GRIN2C: variants seen among roughly 807,000 people sequenced by gnomAD.
The protein encoded by GRIN2C is glutamate ionotropic receptor NMDA type subunit 2C, also known as glutamate receptor ionotropic, NMDA 2C.
A neutral mutation model predicts 77.7 loss-of-function variants in GRIN2C; 64 were observed. That is an observed-to-expected ratio of 0.82 (90% CI 0.67 to 1.01). The LOEUF (loss-of-function observed/expected upper bound fraction) is 1.01, where lower values mean the gene tolerates loss of function less well. Ranked by LOEUF, GRIN2C falls within the 50% of genes least tolerant of loss-of-function variation. The pLI is 0.00. For synonymous variants in GRIN2C, 792 were observed against 643.4 expected, an observed-to-expected ratio of 1.23 and a Z score of -3.49; for missense variants, 1,549 against 1,486.0, an observed-to-expected ratio of 1.04 and a Z score of -0.70.
chr17:74,844,118 C>T lies in GRIN2C; in HGVS notation c.2583+158G>A, dbSNP rs2037385926. The T allele has an allele frequency of 4.3e-6, 6 of 1,394,152 alleles. No homozygotes were observed. The South Asian group carries it at 6.1e-5, about 14-fold the overall frequency. 86.4% of individuals were successfully genotyped at this position (1,394,152 alleles called of 1,614,324 possible). On this transcript the variant is annotated intron_variant, in intron 12 of 12. Transcript: ENST00000293190. ...CAAACTTCTGGACTCAAGGGATCCA[C>T]TGGCCTAAGCCTCTCAAAGTGTTGA...
upstream of GRIN2C, among the ~76,000 whole-genome samples, chr17:74,860,045 T>C (rs979016291): frequency 1.8e-4 from 26 of 148,316 alleles, no homozygotes; most frequent in Non-Finnish European, 2.8e-4. Flanking sequence ...AGCTGGGTCG[T>C]GACCCCGAGT....
Position 74,859,165 on chromosome 17 carries a change from G to A in GRIN2C, c.-16+579C>T, listed in dbSNP as rs1429184908. Among the ~76,000 whole-genome samples, 2 of 152,080 alleles carry A rather than the reference G, an allele frequency of 1.3e-5. No individual in the cohort carries two copies. Among genetic ancestry groups the A allele is most frequent in the Non-Finnish European group, 2.9e-5 (2 of 68,012 alleles). ...CAGACACATTGTCTCAGAGACCTCT[G>A]CCCACCCACCCACTCAGGGTCTCAC... On this transcript the variant is annotated intron_variant, in intron 1 of 12. Coordinates refer to ENST00000293190, the MANE Select transcript of GRIN2C (RefSeq NM_000835.6). This position sits in a 1 kb window ranked among gnomAD's most constrained non-coding sequence, Gnocchi z 5.9.
chr17:74,858,631 C>T (rs1336085404), intron 1 of GRIN2C, among the ~76,000 whole-genome samples: 3 of 147,654 alleles, frequency 2.0e-5, no homozygotes, highest in Admixed American at 6.8e-5. Flanking sequence ...CCACCCCCGC[C>T]AGCCCCACTG....
intron 2 of GRIN2C, chr17:74,853,654 G>C (rs962161228): frequency 6.6e-6 from 1 of 152,258 alleles, no homozygotes; most frequent in African/African-American, 2.4e-5. Context: ...CACAGAAGAA[G>C]GGGAAGGGGG....
rs1598486077 is a variant in GRIN2C at position 74,851,388 on chromosome 17, G to C, written c.1113+189C>G. The C allele has an allele frequency of 1.7e-5, 10 of 574,784 alleles. No homozygotes were observed. The East Asian group carries it at 2.9e-4, about 16-fold the overall frequency. The allele number at this position is 574,784 out of a possible 1,614,324, so 35.6% of individuals were successfully genotyped here. The stretch of plus-strand genomic sequence containing the variant: ...AGCCGGGGTGTTATGGGAGCCCAGA[G>C]CAGGGCACCTCACCCACCCCGGGGC... On this transcript the variant is annotated intron_variant, in intron 4 of 12. Transcript: ENST00000293190.
chr17:74,859,883 TGCGGCGGCGGCG>T (rs71157101), exon 1 of GRIN2C: 5 of 165,606 alleles, frequency 3.0e-5, no homozygotes, highest in South Asian at 1.7e-4. This position sits in a 1 kb window ranked among gnomAD's most constrained non-coding sequence, Gnocchi z 5.9. Context: ...ACACTCGCGA[TGCGGCGGCGGCG>T]GCGGCGGCGG....
In GRIN2C at chr17:74,852,289, G is replaced by T; in HGVS notation, c.722C>A (p.Ala241Glu). The T allele has an allele frequency of 7.0e-7, 1 of 1,423,140 alleles. No homozygotes were observed. Among genetic ancestry groups the T allele is most frequent in the South Asian group, 1.4e-5 (1 of 69,346 alleles). 88.2% of individuals were successfully genotyped at this position (1,423,140 alleles called of 1,614,324 possible). A position where few individuals can be genotyped will look rare whatever the true frequency, so the allele number is the denominator to read the frequency against. Residue 241 changes from alanine (A) to glutamate (E), a missense_variant, in exon 3 of 13, where the codon GCG becomes GAG. This residue lies in a region of GRIN2C where 382 missense variants were observed against 360.0 expected (regional missense o/e 1.06). Coordinates refer to ENST00000293190, the MANE Select transcript of GRIN2C (RefSeq NM_000835.6). ...EEAEVLFAEA[A>E]QAGLVGPGHV... is the part of the protein sequence containing the mutation. ...GCCGGGCCCCACCAGACCGGCCTGCGCCGCCTCGGCGAAGAGCACCTCGGC... is the reference window on the plus strand; with the variant it reads ...GCCGGGCCCCACCAGACCGGCCTGCTCCGCCTCGGCGAAGAGCACCTCGGC...
At position 74,843,278 on chromosome 17, in the gene GRIN2C, T is replaced by TG. The variant is rs2037354311; in HGVS notation, c.2858dup (p.Glu954ArgfsTer325). 2.5e-6 allele frequency: 2 copies of TG among 808,666 alleles called. No individual in the cohort carries two copies. Among genetic ancestry groups the TG allele is most frequent in the African/African-American group, 4.2e-5 (2 of 48,016 alleles). 50.1% of individuals were successfully genotyped at this position (808,666 alleles called of 1,614,324 possible). A position where few individuals can be genotyped will look rare whatever the true frequency, so the allele number is the denominator to read the frequency against. On this transcript the variant is annotated frameshift_variant, in exon 13 of 13. Coordinates refer to ENST00000293190, the MANE Select transcript of GRIN2C (RefSeq NM_000835.6). LOFTEE classifies it low-confidence loss of function (END_TRUNC). ...GTCCCCAGCCCGTGGGGCTCGGCTC[T>TG]GGGGGCGGGTCGGGGGTGGGCAGGC...
rs1567891697 is a variant in GRIN2C, at chr17:74,847,698, TTCTG to T, written c.1771+150_1771+153del. On this transcript the variant is annotated intron_variant, in intron 8 of 12. Transcript: ENST00000293190. This position sits in a 1 kb window ranked among gnomAD's most constrained non-coding sequence, Gnocchi z 5.2. Reference sequence around the variant, plus strand: ...AGGTGAAGTGAGCTCACGTGTGTGTTTCTGTGTGTGTGTGTCATCTGACTGGCCC... The same window carrying T: ...AGGTGAAGTGAGCTCACGTGTGTGTTTGTGTGTGTGTCATCTGACTGGCCC... 6.6e-6 allele frequency among the ~76,000 whole-genome samples: 1 copy of T among 151,864 alleles called. No homozygotes were observed. The highest frequency in any genetic ancestry group is 1.5e-5 in the Non-Finnish European group (1 of 67,948).
In GRIN2C at chr17:74,852,059, G is replaced by C; in HGVS notation, c.952C>G (p.Arg318Gly). 6.8e-7 allele frequency: 1 copy of C among 1,460,416 alleles called. No individual in the cohort carries two copies. The highest frequency in any genetic ancestry group is 9.0e-7 in the Non-Finnish European group (1 of 1,105,326). 90.5% of individuals were successfully genotyped at this position (1,460,416 alleles called of 1,614,324 possible). A position where few individuals can be genotyped will look rare whatever the true frequency, so the allele number is the denominator to read the frequency against. ...GGGCTGACGGGCCCAGGGTGAACAC[G>C]GCAGTCCCCGGCCGGGGCTGGCAGG... ...GTLPAPAGDC[R>G]VHPGPVSPAR... The change falls in exon 3 of 13, where the codon CGT (arginine) becomes GGT (glycine). Residue 318 changes from arginine (R) to glycine (G), a missense_variant. Physicochemically the swap from Arg to Gly is moderately radical, Grantham distance 125. Around this residue, in one of 3 missense-constraint regions of GRIN2C, gnomAD observed 717 missense variants for 858.1 expected, o/e 0.84. Coordinates refer to ENST00000293190, the MANE Select transcript of GRIN2C (RefSeq NM_000835.6).
intron 11 of GRIN2C, among the ~76,000 whole-genome samples, chr17:74,844,920 CT>C (rs1034647290): frequency 2.0e-5 from 3 of 151,904 alleles, no homozygotes; most frequent in Non-Finnish European, 2.9e-5. Flanking sequence ...TGTGATTGCT[CT>C]TATTATTATT....
intron 2 of GRIN2C, chr17:74,854,402 A>C: frequency 5.9e-6 from 2 of 340,262 alleles, no homozygotes; most frequent in Non-Finnish European, 1.1e-5. Flanking sequence ...TGACCTAGGA[A>C]GCTGAGGGAA....
In GRIN2C at chr17:74,847,433, T is replaced by C; in HGVS notation, c.1876A>G (p.Lys626Glu). The C allele has an allele frequency of 5.0e-6, 8 of 1,613,946 alleles. No homozygotes were observed. The highest frequency in any genetic ancestry group is 6.8e-6 in the Non-Finnish European group (8 of 1,179,946). ...PIENPRGTTSKIMVLVWAFFA... is the reference protein window; with the variant it reads ...PIENPRGTTSEIMVLVWAFFA... ...AAGGCCCAGACCAGAACCATGATCTTGCTGGTGGTGCCCCGCGGGTTCTCG... is the reference window on the plus strand; with the variant it reads ...AAGGCCCAGACCAGAACCATGATCTCGCTGGTGGTGCCCCGCGGGTTCTCG... The change falls in exon 9 of 13, where the codon AAG (lysine) becomes GAG (glutamate). Residue 626 changes from lysine to glutamate, a missense_variant. By Grantham distance (56) the Lys-to-Glu change is moderately conservative. Transcript: ENST00000293190. This position sits in a 1 kb window ranked among gnomAD's most constrained non-coding sequence, Gnocchi z 5.2.
rs1178240161 is a variant in GRIN2C, at chr17:74,842,825, G to C, written c.3312C>G (p.Ala1104=). 1.7e-6 allele frequency: 1 copy of C among 597,780 alleles called. No homozygotes were observed. Among genetic ancestry groups the C allele is most frequent in the Admixed American group, 3.2e-5 (1 of 31,640 alleles). The allele number at this position is 597,780 out of a possible 1,614,324, so 37.0% of individuals were successfully genotyped here. ...CCGAGTGGCCGTCGGGGCGGGCGCA[G>C]GCGGGGCCGGTGCACCCAGCGGGCA... ...SSLPAGCTGP[A]CARPDGHSAC... Residue 1104 remains alanine, a synonymous_variant, in exon 13 of 13, where the codon GCC becomes GCG. Coordinates refer to ENST00000293190, the MANE Select transcript of GRIN2C (RefSeq NM_000835.6).
rs1381811342 is a variant in GRIN2C, at chr17:74,847,818, C to T, written c.1771+34G>A. On this transcript the variant is annotated intron_variant, in intron 8 of 12. Transcript: ENST00000293190. The surrounding 1 kb of genome is among the most constrained non-coding windows in gnomAD (Gnocchi z 5.2). The stretch of plus-strand genomic sequence containing the variant: ...GAGCCCAGCCCTCAGGGTGCCCAGG[C>T]CCACCCCTCCTGCCGGGCCCAGGCA... 9.3e-6 allele frequency: 15 copies of T among 1,612,102 alleles called. No homozygotes were observed. In the East Asian group the frequency reaches 3.3e-4, roughly 36 times the overall value.
Position 74,850,505 on chromosome 17 carries a change from A to G in GRIN2C, c.1325+51T>C. 1 of 1,586,134 alleles carries G rather than the reference A, an allele frequency of 6.3e-7. No homozygotes were observed. Among genetic ancestry groups the G allele is most frequent in the South Asian group, 1.1e-5 (1 of 90,554 alleles). ...CATGGGACATACACGACACCTGACC[A>G]TCACACGGCAGCACCCAGCTCACAC... is the stretch of plus-strand genomic sequence containing the variant. On this transcript the variant is annotated intron_variant, in intron 5 of 12. Coordinates refer to ENST00000293190, the MANE Select transcript of GRIN2C (RefSeq NM_000835.6). The surrounding 1 kb of genome is among the most constrained non-coding windows in gnomAD (Gnocchi z 5.3).
rs1394345903 is a variant in GRIN2C, at chr17:74,856,481, C to CTCT, written c.-15-1375_-15-1374insAGA. Among the ~76,000 whole-genome samples the CTCT allele has an allele frequency of 3.6e-4, 49 of 135,264 alleles. No individual in the cohort carries two copies. In the East Asian group the frequency reaches 9.5e-3, roughly 26 times the overall value. 88.7% of individuals were successfully genotyped at this position (135,264 alleles called of 152,430 possible). On this transcript the variant is annotated intron_variant, in intron 1 of 12. Transcript: ENST00000293190. ...CCTGCCACCAAATTTCTCTCTCTCTCTTTTTTTTTTTTTTTGAGACAGAGT... is the reference window on the plus strand; with the variant it reads ...CCTGCCACCAAATTTCTCTCTCTCTCTCTTTTTTTTTTTTTTTTGAGACAGAGT...
chr17:74,854,773 A>G lies in GRIN2C; in HGVS notation c.320T>C (p.Ile107Thr). ...DNVDTEAVAQ[I>T]LDFISSQTHV... ...GGTCTGGGAGGAGATGAAGTCAAGGATCTGGGCCACCGCCTCGGTGTCCAC... is the reference window on the plus strand; with the variant it reads ...GGTCTGGGAGGAGATGAAGTCAAGGGTCTGGGCCACCGCCTCGGTGTCCAC... Residue 107 changes from isoleucine to threonine, a missense_variant, in exon 2 of 13, where the codon ATC (isoleucine) becomes ACC (threonine). Transcript: ENST00000293190. 2 of 1,613,800 alleles carry G rather than the reference A, an allele frequency of 1.2e-6. No homozygotes were observed. The highest frequency in any genetic ancestry group is 1.7e-6 in the Non-Finnish European group (2 of 1,179,760).
At position 74,849,052 on chromosome 17, in the gene GRIN2C, T is replaced by G. The variant is rs930727860; in HGVS notation, c.1645+728A>C. Reference sequence around the variant, plus strand: ...AAGGAAGGAAAGAAGAAAGGAAGAGTGGGAAGGAGAGAGGGAGGGAGGGAG... The same window carrying G: ...AAGGAAGGAAAGAAGAAAGGAAGAGGGGGAAGGAGAGAGGGAGGGAGGGAG... On this transcript the variant is annotated intron_variant, in intron 7 of 12. Coordinates refer to ENST00000293190, the MANE Select transcript of GRIN2C (RefSeq NM_000835.6). The surrounding 1 kb of genome is among the most constrained non-coding windows in gnomAD (Gnocchi z 4.6). Among the ~76,000 whole-genome samples the G allele has an allele frequency of 9.3e-4, 112 of 120,312 alleles. No individual in the cohort carries two copies. Among genetic ancestry groups the G allele is most frequent in the African/African-American group, 1.0e-3 (35 of 33,518 alleles). 78.9% of individuals were successfully genotyped at this position (120,312 alleles called of 152,430 possible).
Sources: allele counts gnomAD v4.1 joint callset (sites outside exome capture counted in the v4.1 genomes callset), GRCh38; gene constraint gnomAD v4.1.1; regional missense constraint gnomAD v4.1.1; non-coding constraint Gnocchi (gnomAD v3.1); transcripts MANE v1.5; gene names NCBI Gene and HGNC (gene_info 2026-07-23, HGNC 2026-07-21).